NAALADL2: variants seen among roughly 807,000 people sequenced by gnomAD.
NAALADL2 encodes N-acetylated alpha-linked acidic dipeptidase like 2.
In NAALADL2, 76 loss-of-function variants were observed where a neutral mutation model predicts 87.2. The observed-to-expected ratio is 0.87, with a 90% confidence interval of 0.72 to 1.05. The LOEUF (loss-of-function observed/expected upper bound fraction) is 1.05, where lower values mean the gene tolerates loss of function less well. NAALADL2 is among the 50% of genes least tolerant of loss of function. The probability of loss-of-function intolerance (pLI) is 0.00; values close to 1 mark genes in which losing one functional copy is unlikely to be tolerated. For synonymous variants in NAALADL2, 354 were observed against 331.0 expected, an observed-to-expected ratio of 1.07 and a Z score of -0.75; for missense variants, 1,089 against 945.8, an observed-to-expected ratio of 1.15 and a Z score of -1.99.
rs926599461 is a variant in NAALADL2 at position 174,794,424 on chromosome 3, G to A, written c.-9+56678G>A. The stretch of plus-strand genomic sequence containing the variant: ...TTTACATTCTAGGCGTATTAATGAA[G>A]GATGGGGAATGAAAGAGGACAGAAA... On this transcript the variant is annotated intron_variant, in intron 3 of 3. Coordinates refer to the NAALADL2 transcript ENST00000434257. Among the ~76,000 whole-genome samples, 47 of 151,998 alleles carry A rather than the reference G, an allele frequency of 3.1e-4. 1 individual carries two copies. The highest frequency in any genetic ancestry group is 7.2e-4 in the Admixed American group (11 of 15,256).
At position 175,807,576 on chromosome 3, in the gene NAALADL2, G is replaced by C. The variant is rs186053361; in HGVS notation, c.*4373G>C. ...TAGCCACACATTTGCTTAATAGAAA[G>C]GAATTATTTTAAACTACCAATCCAT... On this transcript the variant is annotated 3_prime_UTR_variant, in exon 14 of 14. Transcript: ENST00000454872. The C allele has an allele frequency of 9.4e-4, 143 of 151,846 alleles. 1 individual carries two copies. The highest frequency in any genetic ancestry group is 3.2e-3 in the African/African-American group (133 of 41,470). The allele number at this position is 151,846 out of a possible 1,614,324, so 9.4% of individuals were successfully genotyped here. A position where few individuals can be genotyped will look rare whatever the true frequency, so the allele number is the denominator to read the frequency against.
At chr3:174,808,170 C>A (rs2109281366) in intron 3 of NAALADL2, among the ~76,000 whole-genome samples, 1 of 152,152 alleles carries the variant, frequency 6.6e-6, no homozygotes, top group South Asian at 2.1e-4. Flanking sequence ...ATACAGGTAT[C>A]ATTTGCCATG....
intron 1 of NAALADL2, among the ~76,000 whole-genome samples, chr3:174,536,024 C>A (rs1295320970): frequency 2.0e-5 from 3 of 152,130 alleles, no homozygotes; most frequent in Non-Finnish European, 4.4e-5. Context: ...ACCTTGCCAA[C>A]AATTTGCTAT....
intron 2 of NAALADL2, among the ~76,000 whole-genome samples, chr3:175,177,836 A>AGTGT (rs1246314843): frequency 4.6e-4 from 41 of 88,782 alleles, no homozygotes; most frequent in African/African-American, 1.3e-3. Context: ...GGTAGGGTAC[A>AGTGT]GTGTGTGTGT....
At position 174,519,651 on chromosome 3, in the gene NAALADL2, C is replaced by T. The variant is rs142190460; in HGVS notation, c.-183-30918C>T. Among the ~76,000 whole-genome samples, 18 of 151,804 alleles carry T rather than the reference C, an allele frequency of 1.2e-4. No homozygotes were observed. In the East Asian group the frequency reaches 3.3e-3, roughly 28 times the overall value. On this transcript the variant is annotated intron_variant, in intron 1 of 3. Transcript: ENST00000434257. Reference sequence around the variant, plus strand: ...TGGCCAGGGTTTTTTTTAATGCTCCCTATTTTTCATGTATTACCCTTCTCT... The same window carrying T: ...TGGCCAGGGTTTTTTTTAATGCTCCTTATTTTTCATGTATTACCCTTCTCT...
chr3:175,434,925 T>C (rs904901442), intron 5 of NAALADL2, among the ~76,000 whole-genome samples: 2 of 152,064 alleles, frequency 1.3e-5, no homozygotes, highest in Non-Finnish European at 2.9e-5. Flanking sequence ...TCTTATGATA[T>C]AGTTTATGGT....
intron 2 of NAALADL2, among the ~76,000 whole-genome samples, chr3:174,678,363 G>A (rs1727234481): frequency 2.0e-5 from 3 of 152,084 alleles, no homozygotes; most frequent in Admixed American, 2.0e-4. Flanking sequence ...TAAGGTATAT[G>A]CTTTCCCTGA....
chr3:174,909,118 G>A lies in NAALADL2; in HGVS notation c.43+49668G>A, dbSNP rs566100325. Among the ~76,000 whole-genome samples the A allele has an allele frequency of 2.4e-4, 36 of 152,204 alleles. 1 individual carries two copies. The Middle Eastern group carries it at 0.01, about 43-fold the overall frequency. The stretch of plus-strand genomic sequence containing the variant: ...TAGCTAAATTTATAGGCTAGGCACG[G>A]TGGCTCACACCTGTAATCCCAGGAG... On this transcript the variant is annotated intron_variant, in intron 1 of 13. Transcript: ENST00000454872.
chr3:174,840,307 C>T (rs1318219212), intron 3 of NAALADL2, among the ~76,000 whole-genome samples: 1 of 151,730 alleles, frequency 6.6e-6, no homozygotes, highest in Non-Finnish European at 1.5e-5. Context: ...ATTCTATTAT[C>T]AAATATTTAT....
rs540172703 is a variant in NAALADL2 at position 174,783,616 on chromosome 3, A to AAT, written c.-9+45881_-9+45882dup. 4.7e-4 allele frequency among the ~76,000 whole-genome samples: 71 copies of AAT among 152,084 alleles called. No individual in the cohort carries two copies. The South Asian group carries it at 6.0e-3, about 13-fold the overall frequency. ...ATTCTTCAATTCTCCACAAGGCTTT[A>AAT]ATATATATATATTTTTATTTTGAAT... On this transcript the variant is annotated intron_variant, in intron 3 of 3. Coordinates refer to the NAALADL2 transcript ENST00000434257.
In NAALADL2 at chr3:175,187,499, T is replaced by C. The variant is rs1470997400; in HGVS notation, c.546-46432T>C. ...TCTCTGTTTTCCTCAAGCTTTTATTTTTTGTTCCCGCAAGTCTTTAATTAT... is the reference window on the plus strand; with the variant it reads ...TCTCTGTTTTCCTCAAGCTTTTATTCTTTGTTCCCGCAAGTCTTTAATTAT... On this transcript the variant is annotated intron_variant, in intron 2 of 13. Transcript: ENST00000454872. Among the ~76,000 whole-genome samples, 3 of 152,190 alleles carry C rather than the reference T, an allele frequency of 2.0e-5. No individual in the cohort carries two copies. The East Asian group carries it at 5.8e-4, about 29-fold the overall frequency.
chr3:175,208,750 T>C lies in NAALADL2; in HGVS notation c.546-25181T>C, dbSNP rs571532159. ...ATTTAGATAGAAAGGAAATAAATAATATGGAAAATGGAGAAGCGCAGTAAG... is the reference window on the plus strand; with the variant it reads ...ATTTAGATAGAAAGGAAATAAATAACATGGAAAATGGAGAAGCGCAGTAAG... On this transcript the variant is annotated intron_variant, in intron 2 of 13. Coordinates refer to ENST00000454872, the MANE Select transcript of NAALADL2 (RefSeq NM_207015.3). Among the ~76,000 whole-genome samples, 24 of 152,246 alleles carry C rather than the reference T, an allele frequency of 1.6e-4. 1 individual carries two copies. The South Asian group carries it at 3.3e-3, about 21-fold the overall frequency.
intron 5 of NAALADL2, among the ~76,000 whole-genome samples, chr3:175,374,282 G>A (rs1300976826): frequency 2.0e-5 from 3 of 151,404 alleles, no homozygotes; most frequent in Non-Finnish European, 2.9e-5. Flanking sequence ...GGCTGGGCAC[G>A]GTGGCTCATT....
intron 3 of NAALADL2, among the ~76,000 whole-genome samples, chr3:174,826,862 G>T (rs879818001): frequency 6.6e-6 from 1 of 152,090 alleles, no homozygotes; most frequent in African/African-American, 2.4e-5. Flanking sequence ...TCTACCTATT[G>T]TTAGAATAAT....
chr3:175,319,045 T>C (rs1197738335), intron 4 of NAALADL2, among the ~76,000 whole-genome samples: 1 of 152,266 alleles, frequency 6.6e-6, no homozygotes, highest in Non-Finnish European at 1.5e-5. Flanking sequence ...TTTTTAAGAA[T>C]AGCTATTTCT....
intron 1 of NAALADL2, among the ~76,000 whole-genome samples, chr3:175,031,511 A>G (rs189015086): frequency 2.6e-5 from 4 of 152,074 alleles, no homozygotes; most frequent in Non-Finnish European, 5.9e-5. Flanking sequence ...TCTTTATACA[A>G]TTGACCACAG....
At chr3:175,004,272 T>G (rs1260196446) in intron 1 of NAALADL2, among the ~76,000 whole-genome samples, 1 of 150,818 alleles carries the variant, frequency 6.6e-6, no homozygotes. Context: ...TGATGCATGC[T>G]TGTGGTCTCA....
chr3:175,631,421 A>C (rs1727745231), intron 11 of NAALADL2, among the ~76,000 whole-genome samples: 1 of 151,368 alleles, frequency 6.6e-6, no homozygotes, highest in South Asian at 2.1e-4. Context: ...GAGTCCTTGA[A>C]AGTAGCTTTC....
intron 11 of NAALADL2, among the ~76,000 whole-genome samples, chr3:175,643,397 T>G (rs760596976): frequency 1.3e-5 from 2 of 152,212 alleles, no homozygotes; most frequent in Non-Finnish European, 2.9e-5. Context: ...GGAATGAATA[T>G]CTTTAAGTCT....
Sources: gnomAD v4.1 joint callset for allele counts (sites outside exome capture counted in the v4.1 genomes callset) on GRCh38, gnomAD v4.1.1 for gene constraint, MANE v1.5 for transcripts, NCBI Gene and HGNC (gene_info 2026-07-23, HGNC 2026-07-21) for gene names.